HSF2BP: variants seen among roughly 807,000 people sequenced by gnomAD.
The protein encoded by HSF2BP is heat shock transcription factor 2 binding protein, also known as heat shock factor 2-binding protein.
Under a neutral mutation model 35.0 loss-of-function variants are expected in HSF2BP, and 35 were observed. The ratio of observed to expected loss-of-function variants is 1.00; its 90% CI spans 0.76 to 1.32. The LOEUF (loss-of-function observed/expected upper bound fraction) is 1.32. Ranked by LOEUF, HSF2BP falls within the 40% of genes most tolerant of loss-of-function variation. The pLI, the probability that HSF2BP is intolerant of heterozygous loss-of-function variation, is 0.00. For synonymous variants in HSF2BP, 114 were observed against 117.4 expected (o/e 0.97, Z 0.18); for missense variants, 326 against 321.7 (o/e 1.01, Z -0.10).
At chr21:43,599,655 G>A (rs1281584499) in intron 7 of HSF2BP, among the ~76,000 whole-genome samples, 2 of 151,866 alleles carry the variant, frequency 1.3e-5, no homozygotes, top group African/African-American at 2.4e-5. Flanking sequence ...TTAGCTGGGC[G>A]TGGTGGCGCA....
intron 6 of HSF2BP, among the ~76,000 whole-genome samples, chr21:43,623,540 A>C (rs1262797062): frequency 6.6e-6 from 1 of 152,222 alleles, no homozygotes; most frequent in African/African-American, 2.4e-5. Context: ...TCCGTAGTCC[A>C]ACAAGTGTCC....
At position 43,633,334 on chromosome 21, in the gene HSF2BP, C is replaced by T. The variant is rs773875156; in HGVS notation, c.379G>A (p.Ala127Thr). The T allele has an allele frequency of 6.2e-7, 1 of 1,614,180 alleles. No individual in the cohort carries two copies. Among genetic ancestry groups the T allele is most frequent in the East Asian group, 2.2e-5 (1 of 44,882 alleles). Residue 127 changes from alanine to threonine, a missense_variant, in exon 5 of 9, where the codon GCG (alanine) becomes ACG (threonine). Transcript: ENST00000291560. ...AEYCTEMGAA[A>T]CTLLWGVSSS... ...GAGACACCCCACAAGAGGGTACACG[C>T]TGCTGCTCCCATTTCTGTACAATAC... is the stretch of plus-strand genomic sequence containing the variant.
At chr21:43,652,901 G>A (rs755894498) in intron 3 of HSF2BP, among the ~76,000 whole-genome samples, 20 of 152,118 alleles carry the variant, frequency 1.3e-4, no homozygotes, top group African/African-American at 4.8e-4. Context: ...TTGGGAGGCC[G>A]AGGCGGGCAG....
chr21:43,496,045 A>G, the HSF2BP span, among the ~76,000 whole-genome samples: 4 of 133,554 alleles, frequency 3.0e-5, no homozygotes, highest in African/African-American at 8.3e-5. Context: ...ACACACACGC[A>G]CACAGCACTC....
intron 3 of HSF2BP, among the ~76,000 whole-genome samples, chr21:43,649,839 C>T (rs1367047562): frequency 6.6e-6 from 1 of 152,216 alleles, no homozygotes; most frequent in Non-Finnish European, 1.5e-5. Flanking sequence ...CAAAGAATTG[C>T]TCGATCTTAG....
rs1341589735 is a variant in HSF2BP at position 43,590,041 on chromosome 21, A to C, written c.796+2184T>G. Among the ~76,000 whole-genome samples the C allele has an allele frequency of 2.6e-5, 4 of 152,238 alleles. No homozygotes were observed. In the East Asian group the frequency reaches 7.7e-4, roughly 29 times the overall value. On this transcript the variant is annotated intron_variant, in intron 8 of 8. Transcript: ENST00000291560. The stretch of plus-strand genomic sequence containing the variant: ...AGAATTATAAACTTTATCACAATTA[A>C]GATAGGTCTTCTGCTCTTCAGAAGA...
intron 6 of HSF2BP, among the ~76,000 whole-genome samples, chr21:43,629,433 C>T (rs548941745): frequency 1.4e-4 from 22 of 152,246 alleles, no homozygotes; most frequent in Admixed American, 1.0e-3. Context: ...GGCATGGTGG[C>T]GCATGCCTGT....
intron 3 of HSF2BP, among the ~76,000 whole-genome samples, chr21:43,653,051 C>T (rs574556488): frequency 1.3e-5 from 2 of 152,086 alleles, no homozygotes; most frequent in East Asian, 3.9e-4. Context: ...AAGAGAATCG[C>T]TTGAACCCAG....
intron 5 of HSF2BP, among the ~76,000 whole-genome samples, chr21:43,632,837 C>T (rs549749535): frequency 6.6e-6 from 1 of 152,244 alleles, no homozygotes; most frequent in East Asian, 1.9e-4. Context: ...GGGTCAGCGC[C>T]TCCAACCTCC....
At chr21:43,604,041 G>T (rs1433240060) in intron 7 of HSF2BP, among the ~76,000 whole-genome samples, 3 of 152,080 alleles carry the variant, frequency 2.0e-5, no homozygotes, top group African/African-American at 7.2e-5. Flanking sequence ...CATGGTAAAC[G>T]CAGGCTGGCT....
chr21:43,642,133 T>TA (rs904520864), intron 4 of HSF2BP, among the ~76,000 whole-genome samples: 5 of 151,908 alleles, frequency 3.3e-5, no homozygotes, highest in East Asian at 1.9e-4. Flanking sequence ...CCCATCTCTA[T>TA]AAAAAAATTT....
At chr21:43,496,122 A>G in the HSF2BP span, among the ~76,000 whole-genome samples, 1 of 135,386 alleles carries the variant, frequency 7.4e-6, no homozygotes, top group Admixed American at 7.3e-5. Context: ...AAGAAGTAAA[A>G]TCCTCTGTTT....
At chr21:43,591,318 A>G (rs1346044789) in intron 8 of HSF2BP, among the ~76,000 whole-genome samples, 1 of 152,162 alleles carries the variant, frequency 6.6e-6, no homozygotes, top group Non-Finnish European at 1.5e-5. Flanking sequence ...TGTCTTTCCA[A>G]TTTCTTTTTA....
chr21:43,626,867 A>AT (rs72562311), intron 6 of HSF2BP, among the ~76,000 whole-genome samples: 49 of 147,040 alleles, frequency 3.3e-4, no homozygotes, highest in African/African-American at 6.8e-4. Flanking sequence ...ATACCAAGAA[A>AT]TTTTTTTTTT....
intron 7 of HSF2BP, among the ~76,000 whole-genome samples, chr21:43,608,812 A>G (rs930410187): frequency 1.3e-5 from 2 of 152,022 alleles, no homozygotes; most frequent in Non-Finnish European, 2.9e-5. Flanking sequence ...AAAAAAAAAA[A>G]ATTTTTTTTA....
At chr21:43,629,286 C>T (rs943227303) in intron 6 of HSF2BP, among the ~76,000 whole-genome samples, 2 of 152,134 alleles carry the variant, frequency 1.3e-5, no homozygotes, top group African/African-American at 2.4e-5. Flanking sequence ...CATGATTCAG[C>T]CAAGCGCAGT....
At chr21:43,585,273 A>G (rs2081834289) in intron 8 of HSF2BP, among the ~76,000 whole-genome samples, 1 of 152,178 alleles carries the variant, frequency 6.6e-6, no homozygotes. Context: ...TCACTCCACT[A>G]CAGTCCAGCC....
At chr21:43,584,409 C>A (rs2081818566) in intron 8 of HSF2BP, among the ~76,000 whole-genome samples, 1 of 152,176 alleles carries the variant, frequency 6.6e-6, no homozygotes, top group Non-Finnish European at 1.5e-5. Flanking sequence ...AGGCAGAGAT[C>A]CCTTTTATTC....
chr21:43,612,752 G>A (rs1034057909), intron 7 of HSF2BP, among the ~76,000 whole-genome samples: 6 of 151,326 alleles, frequency 4.0e-5, no homozygotes, highest in Middle Eastern at 3.4e-3. Flanking sequence ...TTATTTGAAC[G>A]CCTAGGAGTT....
Sources: allele counts gnomAD v4.1 joint callset (sites outside exome capture counted in the v4.1 genomes callset), GRCh38; gene constraint gnomAD v4.1.1; transcripts MANE v1.5; gene names NCBI Gene and HGNC (gene_info 2026-07-23, HGNC 2026-07-21).